NUP153: variants seen among roughly 807,000 people sequenced by gnomAD.
NUP153 encodes nuclear pore complex protein Nup153.
Under a neutral mutation model 134.6 loss-of-function variants are expected in NUP153, and 27 were observed. That is an observed-to-expected ratio of 0.20 (90% CI 0.15 to 0.28). The LOEUF (loss-of-function observed/expected upper bound fraction) is 0.28. Ranked by LOEUF, NUP153 falls within the 10% of genes least tolerant of loss-of-function variation. NUP153 has a pLI of 1.00. For synonymous variants in NUP153, 640 were observed against 623.5 expected, an observed-to-expected ratio of 1.03 and a Z score of -0.40; for missense variants, 1,821 against 1,731.3, an observed-to-expected ratio of 1.05 and a Z score of -0.92.
At chr6:17,629,699 T>C (rs1765131938) in intron 17 of NUP153, among the ~76,000 whole-genome samples, 160 bp from the exon 18 acceptor site, 1 of 152,246 alleles carries the variant, frequency 6.6e-6, no homozygotes, top group African/African-American at 2.4e-5. Flanking sequence ...AGGTGACCTA[T>C]ATTTAGTCGG....
intron 2 of NUP153, among the ~76,000 whole-genome samples, chr6:17,683,967 G>A (rs904770319): frequency 6.6e-6 from 1 of 152,142 alleles, no homozygotes; most frequent in Admixed American, 6.6e-5. Flanking sequence ...CTCATGAATG[G>A]CTTGGTACCC....
chr6:17,633,591 T>G (rs1765370244), intron 16 of NUP153, among the ~76,000 whole-genome samples: 1 of 152,026 alleles, frequency 6.6e-6, no homozygotes, highest in South Asian at 2.1e-4. Context: ...AAAACAAGTG[T>G]GCAAAGAAGG....
intron 11 of NUP153, among the ~76,000 whole-genome samples, chr6:17,649,933 T>C (rs1367194978): frequency 6.6e-6 from 1 of 152,164 alleles, no homozygotes; most frequent in African/African-American, 2.4e-5. Context: ...GGGAGCATTA[T>C]ATGGTCTTGG....
intron 11 of NUP153, among the ~76,000 whole-genome samples, chr6:17,659,375 T>A (rs960531519): frequency 6.6e-6 from 1 of 152,260 alleles, no homozygotes; most frequent in Non-Finnish European, 1.5e-5. Flanking sequence ...CCTAGTTAAA[T>A]AATGATTTAA....
intron 15 of NUP153, 71 bp from the exon 16 acceptor site, chr6:17,637,841 T>C: frequency 6.8e-7 from 1 of 1,480,210 alleles, no homozygotes; most frequent in Non-Finnish European, 9.0e-7. Flanking sequence ...TTGATTATTA[T>C]TACTGAGAAG....
At chr6:17,647,092 C>T (rs1232325450) in intron 13 of NUP153, among the ~76,000 whole-genome samples, 2 of 152,010 alleles carry the variant, frequency 1.3e-5, no homozygotes, top group African/African-American at 4.8e-5. Context: ...TATGACACTT[C>T]TGGGGCAACT....
At chr6:17,644,884 G>A (rs1581695766) in intron 14 of NUP153, among the ~76,000 whole-genome samples, 1 of 152,136 alleles carries the variant, frequency 6.6e-6, no homozygotes, top group Non-Finnish European at 1.5e-5. Flanking sequence ...AGGAGATCGA[G>A]ACCATCCGAG....
intron 1 of NUP153, among the ~76,000 whole-genome samples, chr6:17,695,564 A>C (rs557852783): frequency 6.6e-6 from 1 of 152,366 alleles, no homozygotes; most frequent in East Asian, 1.9e-4. Flanking sequence ...ATGAGAAGTT[A>C]ACATAAAAGC....
Position 17,675,419 on chromosome 6 carries a change from G to C in NUP153, c.584-51C>G. 1.9e-6 allele frequency: 3 copies of C among 1,570,836 alleles called. No homozygotes were observed. The highest frequency in any genetic ancestry group is 1.2e-5 in the South Asian group (1 of 83,902). On this transcript the variant is annotated intron_variant, in intron 3 of 21. Coordinates refer to ENST00000262077, the MANE Select transcript of NUP153 (RefSeq NM_005124.4). This position sits in a 1 kb window ranked among gnomAD's most constrained non-coding sequence, Gnocchi z 4.4. ...GTAATAACACCAATACAAGAGCCTA[G>C]ATTTTTATAAATAGAAAATAAAAAT...
chr6:17,645,144 T>C (rs1766081302), intron 14 of NUP153, among the ~76,000 whole-genome samples: 2 of 149,942 alleles, frequency 1.3e-5, no homozygotes, highest in African/African-American at 2.5e-5. Flanking sequence ...TCCAAGCTAC[T>C]GGCAGGAGAA....
At chr6:17,691,867 T>C (rs1228748488) in intron 1 of NUP153, among the ~76,000 whole-genome samples, 1 of 152,160 alleles carries the variant, frequency 6.6e-6, no homozygotes, top group African/African-American at 2.4e-5. Context: ...TAGAGTGCAA[T>C]GGCACGTGAT....
At chr6:17,656,633 G>T (rs889891593) in intron 11 of NUP153, among the ~76,000 whole-genome samples, 1 of 151,978 alleles carries the variant, frequency 6.6e-6, no homozygotes, top group Non-Finnish European at 1.5e-5. Context: ...AAACTTAGGG[G>T]GCACCAGGTT....
At chr6:17,618,598 C>T (rs1764465319) in intron 20 of NUP153, among the ~76,000 whole-genome samples, 2 of 146,182 alleles carry the variant, frequency 1.4e-5, no homozygotes, top group African/African-American at 2.6e-5. Flanking sequence ...TGGAGTCTGG[C>T]TCTGTTGCCC....
In NUP153 at chr6:17,688,392, T is replaced by C. The variant is rs1401597643; in HGVS notation, c.334+4A>G. The C allele has an allele frequency of 9.3e-6, 15 of 1,608,362 alleles. No homozygotes were observed. The highest frequency in any genetic ancestry group is 1.2e-5 in the Non-Finnish European group (14 of 1,175,038). On this transcript the variant is annotated splice_donor_region_variant and intron_variant, in intron 2 of 21. Transcript: ENST00000262077. Reference sequence around the variant, plus strand: ...TCATGACAAAATATTCACATTTTACTTACCTTCTGTATTACTGACTGCTGG... The same window carrying C: ...TCATGACAAAATATTCACATTTTACCTACCTTCTGTATTACTGACTGCTGG...
At chr6:17,654,396 A>G (rs1766682899) in intron 11 of NUP153, among the ~76,000 whole-genome samples, 1 of 151,242 alleles carries the variant, frequency 6.6e-6, no homozygotes, top group Non-Finnish European at 1.5e-5. Flanking sequence ...ATCTTGGCTC[A>G]CTGCAACCTC....
chr6:17,632,802 G>A lies in NUP153; in HGVS notation c.2507C>T (p.Ser836Phe), dbSNP rs61744976. The change falls in exon 17 of 22, where the codon TCT (serine) becomes TTT (phenylalanine). Residue 836 changes from serine (S) to phenylalanine (F), a missense_variant. Coordinates refer to ENST00000262077, the MANE Select transcript of NUP153 (RefSeq NM_005124.4). Reference sequence around the variant, plus strand: ...TCCTAGAGAGCCTCCAGAAGGCAGAGAGACAGGTACAGTGCTGCTACTTGA... The same window carrying A: ...TCCTAGAGAGCCTCCAGAAGGCAGAAAGACAGGTACAGTGCTGCTACTTGA... ...PASSSSTVPVSLPSGGSLGLE... is the reference protein window; with the variant it reads ...PASSSSTVPVFLPSGGSLGLE... 4.0e-6 allele frequency: 6 copies of A among 1,503,038 alleles called. No homozygotes were observed. Among genetic ancestry groups the A allele is most frequent in the Non-Finnish European group, 5.4e-6 (6 of 1,113,342 alleles). 93.1% of individuals were successfully genotyped at this position (1,503,038 alleles called of 1,614,324 possible).
chr6:17,645,649 T>C (rs1256440862), intron 14 of NUP153, among the ~76,000 whole-genome samples: 8 of 152,062 alleles, frequency 5.3e-5, no homozygotes, highest in African/African-American at 1.9e-4. Context: ...TATCACAATC[T>C]ACATGGGCCT....
At position 17,675,149 on chromosome 6, in the gene NUP153, G is replaced by A. The variant is rs1203343356; in HGVS notation, c.723+80C>T. On this transcript the variant is annotated intron_variant, in intron 4 of 21. Coordinates refer to ENST00000262077, the MANE Select transcript of NUP153 (RefSeq NM_005124.4). The surrounding 1 kb of genome is among the most constrained non-coding windows in gnomAD (Gnocchi z 4.4). ...GCCTGGGCAACAGCAAAAGACTCTT[G>A]TCTCAGAAAAAAAAAAAAAAATTAT... 2 of 1,503,364 alleles carry A rather than the reference G, an allele frequency of 1.3e-6. No homozygotes were observed. The highest frequency in any genetic ancestry group is 2.3e-5 in the East Asian group (1 of 43,748). 93.1% of individuals were successfully genotyped at this position (1,503,364 alleles called of 1,614,324 possible). A position where few individuals can be genotyped will look rare whatever the true frequency, so the allele number is the denominator to read the frequency against.
chr6:17,658,772 T>C lies in NUP153; in HGVS notation c.1395+2881A>G, dbSNP rs118161512. On this transcript the variant is annotated intron_variant, in intron 11 of 21. Transcript: ENST00000262077. ...ATGCAACAACAAACCATTTCTCAGA[T>C]TGAGACATGGGACAAAAAGTGGATT... is the stretch of plus-strand genomic sequence containing the variant. Among the ~76,000 whole-genome samples the C allele has an allele frequency of 4.1e-3, 620 of 152,294 alleles. 10 individuals carry two copies. The East Asian group carries it at 0.071, about 17-fold the overall frequency.
Sources: allele counts gnomAD v4.1 joint callset (sites outside exome capture counted in the v4.1 genomes callset), GRCh38; gene constraint gnomAD v4.1.1; non-coding constraint Gnocchi (gnomAD v3.1); transcripts MANE v1.5; gene names NCBI Gene and HGNC (gene_info 2026-07-23, HGNC 2026-07-21).